Variants in NXPE2 observed in about 807,000 individuals in gnomAD.
NXPE2 encodes neurexophilin and PC-esterase domain family member 2, also known as NXPE family member 2.
Under a neutral mutation model 34.4 loss-of-function variants are expected in NXPE2, and 34 were observed. The observed-to-expected ratio is 0.99, with a 90% CI of 0.75 to 1.31. NXPE2 has a LOEUF of 1.31. Among genes scored for constraint, NXPE2 ranks in the 40% most tolerant of loss-of-function variants. The probability of loss-of-function intolerance (pLI) is 0.00; values close to 1 mark genes in which losing one functional copy is unlikely to be tolerated. For synonymous variants in NXPE2, 235 were observed against 231.3 expected, an observed-to-expected ratio of 1.02 and a Z score of -0.15; for missense variants, 649 against 672.5, an observed-to-expected ratio of 0.97 and a Z score of 0.39.
the NXPE2 span, among the ~76,000 whole-genome samples, chr11:114,495,604 C>T: frequency 6.6e-6 from 1 of 151,668 alleles, no homozygotes; most frequent in Non-Finnish European, 1.5e-5. Flanking sequence ...GCCACCACAG[C>T]TGAGAATGTG....
chr11:114,544,899 CA>C, the NXPE2 span, among the ~76,000 whole-genome samples: 1 of 151,968 alleles, frequency 6.6e-6, no homozygotes, highest in Non-Finnish European at 1.5e-5. Flanking sequence ...TTAAAATGTG[CA>C]AAAGATCTGA....
At chr11:114,793,475 A>G in the NXPE2 span, among the ~76,000 whole-genome samples, 1 of 152,154 alleles carries the variant, frequency 6.6e-6, no homozygotes, top group African/African-American at 2.4e-5. Context: ...TATTGTTTGG[A>G]ACTGACTGTA....
chr11:114,589,758 T>C, the NXPE2 span, among the ~76,000 whole-genome samples: 1 of 151,926 alleles, frequency 6.6e-6, no homozygotes, highest in Non-Finnish European at 1.5e-5. Flanking sequence ...AGCCAGAGGG[T>C]AAGAAAGGGC....
chr11:114,660,778 A>G, the NXPE2 span, among the ~76,000 whole-genome samples: 1 of 152,120 alleles, frequency 6.6e-6, no homozygotes, highest in African/African-American at 2.4e-5. Flanking sequence ...TAAAAGGCAT[A>G]CCATTTGGAT....
the NXPE2 span, among the ~76,000 whole-genome samples, chr11:114,474,663 C>T: frequency 3.9e-5 from 6 of 151,904 alleles, no homozygotes; most frequent in Admixed American, 1.3e-4. Flanking sequence ...AAAATAGGAG[C>T]AGCAAGTATA....
At chr11:114,579,451 C>A in the NXPE2 span, among the ~76,000 whole-genome samples, 1 of 152,094 alleles carries the variant, frequency 6.6e-6, no homozygotes, top group Non-Finnish European at 1.5e-5. Context: ...AATAACATGC[C>A]CAAAGTCATT....
the NXPE2 span, among the ~76,000 whole-genome samples, chr11:114,790,054 G>A: frequency 6.6e-6 from 1 of 152,140 alleles, no homozygotes; most frequent in South Asian, 2.1e-4. Context: ...CCCACCAGGG[G>A]ACTTACGCAC....
At chr11:114,522,220 C>T in the NXPE2 span, 1 of 1,614,014 alleles carries the variant, frequency 6.2e-7, no homozygotes. Flanking sequence ...TTCTTAGGAA[C>T]AGTCTTTCAA....
chr11:114,527,835 C>T, the NXPE2 span: 1 of 1,603,486 alleles, frequency 6.2e-7, no homozygotes, highest in Admixed American at 1.7e-5. Context: ...ACAGAGCCAA[C>T]TTACTGTTAC....
the NXPE2 span, among the ~76,000 whole-genome samples, chr11:114,653,808 G>T: frequency 2.6e-5 from 4 of 152,016 alleles, no homozygotes; most frequent in African/African-American, 9.6e-5. Flanking sequence ...GATTACAGGC[G>T]TGAGCCACCG....
the NXPE2 span, among the ~76,000 whole-genome samples, chr11:114,749,007 C>T: frequency 1.3e-5 from 2 of 152,104 alleles, no homozygotes; most frequent in African/African-American, 4.8e-5. Flanking sequence ...TTTGACATAC[C>T]TTTATCATTC....
the NXPE2 span, among the ~76,000 whole-genome samples, chr11:114,740,995 C>T: frequency 3.3e-5 from 5 of 151,960 alleles, no homozygotes; most frequent in South Asian, 4.2e-4. Flanking sequence ...TTGTTTATTC[C>T]TTCATTTCTT....
the NXPE2 span, among the ~76,000 whole-genome samples, chr11:114,552,306 G>C: frequency 0.25 from 37,533 of 151,922 alleles, 4,853 homozygotes; most frequent in East Asian, 0.43. Flanking sequence ...AATGAATACA[G>C]AAGAGAAGAC....
chr11:114,636,195 G>A, the NXPE2 span, among the ~76,000 whole-genome samples: 4 of 151,984 alleles, frequency 2.6e-5, no homozygotes, highest in Admixed American at 6.6e-5. Context: ...GTCTTAGGAG[G>A]GTGTATGTGT....
chr11:114,810,730 A>G, the NXPE2 span, among the ~76,000 whole-genome samples: 13 of 152,326 alleles, frequency 8.5e-5, no homozygotes, highest in Non-Finnish European at 1.6e-4. Flanking sequence ...ACACTTTCAC[A>G]TTGTTGGTGG....
the NXPE2 span, among the ~76,000 whole-genome samples, chr11:114,717,332 G>A: frequency 6.6e-6 from 1 of 152,146 alleles, no homozygotes; most frequent in African/African-American, 2.4e-5. Context: ...AGTTTTTGTT[G>A]TGTAAATACT....
At chr11:114,530,555 A>T in the NXPE2 span, 1 of 1,613,992 alleles carries the variant, frequency 6.2e-7, no homozygotes, top group East Asian at 2.2e-5. Context: ...TTCCTGAAGC[A>T]CCTGCCGTCA....
chr11:114,564,477 C>A, the NXPE2 span, among the ~76,000 whole-genome samples: 1 of 152,078 alleles, frequency 6.6e-6, no homozygotes, highest in African/African-American at 2.4e-5. Flanking sequence ...ACATTCCCTG[C>A]CCTCATGAAA....
At chr11:114,725,230 C>T in the NXPE2 span, among the ~76,000 whole-genome samples, 22 of 152,016 alleles carry the variant, frequency 1.4e-4, no homozygotes, top group African/African-American at 5.1e-4. Context: ...AACATTAGCA[C>T]GTATCAGTAT....
Sources: allele counts gnomAD v4.1 joint callset (sites outside exome capture counted in the v4.1 genomes callset), GRCh38; gene constraint gnomAD v4.1.1; transcripts MANE v1.5; gene names NCBI Gene and HGNC (gene_info 2026-07-23, HGNC 2026-07-21).